The following CLCN1 variants were observed in gnomAD, a reference collection of about 807,000 sequenced individuals.
CLCN1 encodes the protein chloride channel protein 1.
Under a neutral mutation model 114.5 loss-of-function variants are expected in CLCN1, and 100 were observed. The ratio of observed to expected loss-of-function variants is 0.87; its 90% confidence interval spans 0.74 to 1.03. CLCN1 has a LOEUF of 1.03. Among genes scored for constraint, CLCN1 ranks in the 50% least tolerant of loss-of-function variants. The pLI, the probability that CLCN1 is intolerant of heterozygous loss-of-function variation, is 0.00. For missense variants in CLCN1, 1,188 were observed against 1,250.0 expected (o/e 0.95, Z 0.75); for synonymous variants, 485 against 487.1 (o/e 1.00, Z 0.06).
rs201591839 is a variant in CLCN1 at position 143,319,863 on chromosome 7, T to C, written c.289T>C (p.Ser97Pro). 26 of 1,613,688 alleles carry C rather than the reference T, an allele frequency of 1.6e-5. No homozygotes were observed. The highest frequency in any genetic ancestry group is 2.2e-5 in the South Asian group (2 of 91,082). The change falls in exon 2 of 23, where the codon TCT (serine) becomes CCT (proline). Residue 97 changes from serine (S) to proline (P), a missense_variant. Transcript: ENST00000343257. ...GGACAGCAAGGATGAGGATCACTAT[T>C]CTAAATGTCAAGGTGATGGGGACTG... ...TVDSKDEDHY[S>P]KCQDCIHRLG... is the part of the protein sequence containing the mutation.
At chr7:143,326,008 TTTTGTTTG>T (rs113564889) in intron 7 of CLCN1, among the ~76,000 whole-genome samples, 111 of 152,070 alleles carry the variant, frequency 7.3e-4, no homozygotes, top group African/African-American at 2.1e-3. Context: ...TACTTGTTTT[TTTTGTTTG>T]TTTGTTTGTT....
chr7:143,322,876 G>GC (rs1371719642), intron 5 of CLCN1, among the ~76,000 whole-genome samples: 2 of 152,228 alleles, frequency 1.3e-5, no homozygotes, highest in Non-Finnish European at 2.9e-5. Flanking sequence ...CCTCCTCTCT[G>GC]CAGGCCTGTG....
Position 143,351,024 on chromosome 7 carries a change from C to T in CLCN1, c.2595+370C>T, listed in dbSNP as rs531603290. On this transcript the variant is annotated intron_variant, in intron 22 of 22. Coordinates refer to ENST00000343257, the MANE Select transcript of CLCN1 (RefSeq NM_000083.3). ...AACTCCTGACCTCAGGTGATCCGCC[C>T]GCCTCGGCTTCCCAAAATGCTGCGA... Among the ~76,000 whole-genome samples the T allele has an allele frequency of 2.7e-4, 41 of 152,242 alleles. 1 individual carries two copies. The South Asian group carries it at 7.1e-3, about 26-fold the overall frequency.
intron 12 of CLCN1, among the ~76,000 whole-genome samples, chr7:143,336,604 C>CAAAAAAAAAAAAAAAAAAA (rs573516521): frequency 1.2e-5 from 1 of 80,418 alleles, no homozygotes; most frequent in Non-Finnish European, 2.3e-5. Context: ...AAGACTCTGT[C>CAAAAAAAAAAAAAAAAAAA]AAAAAAAAAA....
intron 15 of CLCN1, 93 bp downstream of exon 15, chr7:143,342,235 A>G: frequency 6.7e-7 from 1 of 1,492,522 alleles, no homozygotes; most frequent in Admixed American, 1.8e-5. Context: ...GTTTGGAAAC[A>G]CTGTTTTAAA....
Position 143,346,269 on chromosome 7 carries a change from T to A in CLCN1, c.2284+18T>A. 6 of 1,534,586 alleles carry A rather than the reference T, an allele frequency of 3.9e-6. No individual in the cohort carries two copies. Among genetic ancestry groups the A allele is most frequent in the Non-Finnish European group, 5.4e-6 (6 of 1,109,410 alleles). On this transcript the variant is annotated intron_variant, in intron 18 of 22. Transcript: ENST00000343257. ...GCCTGCAGGTGACGCTCTTCCCTCATGCACCCCAACTCACCCCTTGTGGGT... is the reference window on the plus strand; with the variant it reads ...GCCTGCAGGTGACGCTCTTCCCTCAAGCACCCCAACTCACCCCTTGTGGGT...
chr7:143,317,669 G>A (rs1025620439), intron 1 of CLCN1, among the ~76,000 whole-genome samples: 1 of 151,852 alleles, frequency 6.6e-6, no homozygotes, highest in Non-Finnish European at 1.5e-5. Context: ...TCTCAGCACT[G>A]GGGGTCAAAA....
At chr7:143,323,012 C>T (rs546865643) in intron 5 of CLCN1, among the ~76,000 whole-genome samples, 6 of 152,292 alleles carry the variant, frequency 3.9e-5, no homozygotes, top group East Asian at 1.9e-4. Context: ...GACATCTGCG[C>T]GGCTCCCTCC....
chr7:143,330,219 C>G (rs1802686514), intron 7 of CLCN1, among the ~76,000 whole-genome samples: 1 of 152,096 alleles, frequency 6.6e-6, no homozygotes, highest in African/African-American at 2.4e-5. Flanking sequence ...GGATGGTCAG[C>G]TCCTGCAAAG....
intron 17 of CLCN1, 83 bp from the exon 18 acceptor site, chr7:143,346,057 C>G (rs1305381422): frequency 7.0e-6 from 7 of 995,296 alleles, no homozygotes; most frequent in Non-Finnish European, 1.1e-5. Flanking sequence ...TTCGCTTTCC[C>G]AGAACATCCA....
chr7:143,325,676 A>G (rs1232388367), intron 7 of CLCN1, among the ~76,000 whole-genome samples: 1 of 152,180 alleles, frequency 6.6e-6, no homozygotes, highest in African/African-American at 2.4e-5. Context: ...ATATTTTTAG[A>G]CTGGGAGACT....
intron 12 of CLCN1, among the ~76,000 whole-genome samples, chr7:143,338,847 C>T (rs1802997767): frequency 6.7e-6 from 1 of 148,986 alleles, no homozygotes; most frequent in Admixed American, 6.7e-5. Flanking sequence ...AGAAATATAA[C>T]CTGAGTAGGA....
Position 143,351,903 on chromosome 7 carries a change from A to G in CLCN1, c.2905A>G (p.Ile969Val), listed in dbSNP as rs1803423221. 2.5e-6 allele frequency: 4 copies of G among 1,613,960 alleles called. No individual in the cohort carries two copies. In the South Asian group the frequency reaches 3.3e-5, roughly 13 times the overall value. Residue 969 changes from isoleucine to valine, a missense_variant, in exon 23 of 23, where the codon ATC (isoleucine) becomes GTC (valine). Coordinates refer to ENST00000343257, the MANE Select transcript of CLCN1 (RefSeq NM_000083.3). ...SPGLEEELAD[I>V]LQGPSLRSTD... ...AGGGCTGGAAGAGGAGCTGGCCGAC[A>G]TCTTGCAGGGCCCCAGCCTGCGATC...
At chr7:143,332,353 A>G in intron 10 of CLCN1, 66 bp from the exon 11 acceptor site, 1 of 1,181,022 alleles carries the variant, frequency 8.5e-7, no homozygotes, top group Non-Finnish European at 1.3e-6. Flanking sequence ...TCAGCTTGCC[A>G]TCGTTCAGTA....
intron 22 of CLCN1, among the ~76,000 whole-genome samples, chr7:143,351,209 G>A (rs896190717): frequency 2.2e-4 from 33 of 152,204 alleles, no homozygotes; most frequent in African/African-American, 7.2e-4. Context: ...TGGGGCCCAC[G>A]TGATCTTCTG....
chr7:143,317,125 G>T (rs769740120), intron 1 of CLCN1, among the ~76,000 whole-genome samples: 1 of 152,098 alleles, frequency 6.6e-6, no homozygotes, highest in Admixed American at 6.5e-5. Flanking sequence ...CTAAAGGAAA[G>T]GTTGTGAAAT....
In CLCN1 at chr7:143,342,492, G is replaced by A; in HGVS notation, c.1917G>A (p.Leu639=). ...LQTTTVKTLP[L]VDSKDSMILL... ...CCACCACAGTCAAGACTTTACCACT[G>A]GTTGACTCAAAAGGTCAGTGGGGAG... is the stretch of plus-strand genomic sequence containing the variant. Residue 639 remains leucine (L), a synonymous_variant, in exon 16 of 23, where the codon CTG becomes CTA. Coordinates refer to ENST00000343257, the MANE Select transcript of CLCN1 (RefSeq NM_000083.3). The A allele has an allele frequency of 6.2e-7, 1 of 1,614,124 alleles. No individual in the cohort carries two copies. The highest frequency in any genetic ancestry group is 1.1e-5 in the South Asian group (1 of 91,074).
intron 6 of CLCN1, chr7:143,323,879 T>C (rs769412693): frequency 4.2e-6 from 2 of 472,128 alleles, no homozygotes; most frequent in African/African-American, 4.0e-5. Context: ...GGGATGCTGC[T>C]TTGCAGCCCC....
At chr7:143,331,004 T>G in intron 8 of CLCN1, 107 bp downstream of exon 8, 1 of 1,538,770 alleles carries the variant, frequency 6.5e-7, no homozygotes, top group Non-Finnish European at 9.0e-7. Context: ...ATGGGCGGCA[T>G]CATTTGTGGG....
Sources: gnomAD v4.1 joint callset for allele counts (sites outside exome capture counted in the v4.1 genomes callset) on GRCh38, gnomAD v4.1.1 for gene constraint, MANE v1.5 for transcripts, NCBI Gene and HGNC (gene_info 2026-07-23, HGNC 2026-07-21) for gene names.